Variants in CLEC16A observed in about 807,000 individuals in gnomAD.
CLEC16A encodes protein CLEC16A.
A neutral mutation model predicts 109.5 loss-of-function variants in CLEC16A; 51 were observed. The observed-to-expected ratio is 0.47, with a 90% CI of 0.37 to 0.59. The LOEUF (loss-of-function observed/expected upper bound fraction) is 0.59, where lower values mean the gene tolerates loss of function less well. Among genes scored for constraint, CLEC16A ranks in the 20% least tolerant of loss-of-function variants. The probability of loss-of-function intolerance (pLI) is 0.00; values close to 1 mark genes in which losing one functional copy is unlikely to be tolerated. For synonymous variants in CLEC16A, 673 were observed against 564.2 expected, an observed-to-expected ratio of 1.19 and a Z score of -2.73; for missense variants, 1,339 against 1,394.0, an observed-to-expected ratio of 0.96 and a Z score of 0.63.
intron 11 of CLEC16A, among the ~76,000 whole-genome samples, chr16:11,018,047 C>G (rs1213315251): frequency 1.3e-5 from 2 of 150,336 alleles, no homozygotes; most frequent in Non-Finnish European, 2.9e-5. Context: ...GTGGCTCACG[C>G]CTATAATCCC....
intron 19 of CLEC16A, among the ~76,000 whole-genome samples, chr16:11,076,021 A>T (rs1455709434): frequency 6.6e-6 from 1 of 152,148 alleles, no homozygotes; most frequent in Non-Finnish European, 1.5e-5. Flanking sequence ...TAAGCATCAC[A>T]TAGATAGAGA....
chr16:11,166,134 G>A (rs997559474), intron 22 of CLEC16A, among the ~76,000 whole-genome samples: 3 of 152,342 alleles, frequency 2.0e-5, no homozygotes, highest in East Asian at 1.9e-4. Flanking sequence ...TCGGATTTAC[G>A]ACTCATGGCC....
At chr16:10,967,431 AC>A (rs1329443736) in intron 3 of CLEC16A, among the ~76,000 whole-genome samples, 1 of 152,132 alleles carries the variant, frequency 6.6e-6, no homozygotes, top group Non-Finnish European at 1.5e-5. Context: ...GACAGGTCTC[AC>A]CCTGTCGCCT....
chr16:10,968,859 T>C (rs1387085927), intron 3 of CLEC16A, among the ~76,000 whole-genome samples: 3 of 152,104 alleles, frequency 2.0e-5, no homozygotes, highest in Non-Finnish European at 4.4e-5. Flanking sequence ...CTCCCCCTAC[T>C]CCCAGCTCTT....
chr16:11,178,717 G>C lies in CLEC16A; in HGVS notation c.*27G>C. 7.0e-7 allele frequency: 1 copy of C among 1,432,350 alleles called. No individual in the cohort carries two copies. The highest frequency in any genetic ancestry group is 9.2e-7 in the Non-Finnish European group (1 of 1,090,124). 88.7% of individuals were successfully genotyped at this position (1,432,350 alleles called of 1,614,324 possible). On this transcript the variant is annotated 3_prime_UTR_variant, in exon 24 of 24. Coordinates refer to ENST00000409790, the MANE Select transcript of CLEC16A (RefSeq NM_015226.3). This position sits in a 1 kb window ranked among gnomAD's most constrained non-coding sequence, Gnocchi z 6.5. Reference sequence around the variant, plus strand: ...TCAGTGCCGGGGCCTCCCTTTGTGTGTGTGGCCCCGCTGGTAGGGACCCCA... The same window carrying C: ...TCAGTGCCGGGGCCTCCCTTTGTGTCTGTGGCCCCGCTGGTAGGGACCCCA...
chr16:11,027,087 G>T, intron 13 of CLEC16A: 2 of 1,544,348 alleles, frequency 1.3e-6, no homozygotes, highest in African/African-American at 1.4e-5. Flanking sequence ...AAAGAGGAAG[G>T]CTTATCAGGC....
chr16:11,122,352 T>C (rs540340356), intron 20 of CLEC16A, among the ~76,000 whole-genome samples: 1 of 152,400 alleles, frequency 6.6e-6, no homozygotes, highest in Non-Finnish European at 1.5e-5. Context: ...AAGTGACTTA[T>C]GCTTATCTAT....
At chr16:10,951,615 G>A (rs950785137) in intron 1 of CLEC16A, among the ~76,000 whole-genome samples, 5 of 152,208 alleles carry the variant, frequency 3.3e-5, no homozygotes, top group African/African-American at 1.2e-4. Flanking sequence ...AGGGTCGATT[G>A]TTTCTGGGAT....
intron 19 of CLEC16A, among the ~76,000 whole-genome samples, chr16:11,084,805 C>T (rs532547275): frequency 6.6e-6 from 1 of 152,198 alleles, no homozygotes; most frequent in Non-Finnish European, 1.5e-5. Context: ...AAAGCCTGCC[C>T]TTGTTCAGCG....
intron 18 of CLEC16A, among the ~76,000 whole-genome samples, chr16:11,052,406 T>G (rs1315911161): frequency 1.3e-5 from 2 of 152,214 alleles, no homozygotes; most frequent in Non-Finnish European, 2.9e-5. Flanking sequence ...GTTTCACTTT[T>G]GGATTTTGCA....
intron 12 of CLEC16A, among the ~76,000 whole-genome samples, chr16:11,021,826 A>G (rs1200901345): frequency 6.6e-6 from 1 of 152,074 alleles, no homozygotes; most frequent in Non-Finnish European, 1.5e-5. Context: ...TTAGGTGAAT[A>G]CTGTCATGAT....
intron 14 of CLEC16A, chr16:11,040,423 G>C (rs962648059): frequency 6.5e-6 from 1 of 153,180 alleles, no homozygotes; most frequent in Non-Finnish European, 1.5e-5. Context: ...CAGGAGAGCC[G>C]ATGGAGCCGA....
chr16:10,964,203 G>T (rs892498414), intron 3 of CLEC16A, among the ~76,000 whole-genome samples: 2 of 152,252 alleles, frequency 1.3e-5, no homozygotes, highest in Non-Finnish European at 2.9e-5. Context: ...CCGCTAGGTG[G>T]TGCTGCTGCC....
intron 4 of CLEC16A, among the ~76,000 whole-genome samples, chr16:10,969,838 A>C (rs2042696827): frequency 6.6e-6 from 1 of 152,156 alleles, no homozygotes; most frequent in East Asian, 1.9e-4. Flanking sequence ...TCTGAACCTC[A>C]GTTTCCTCAT....
At position 10,977,095 on chromosome 16, in the gene CLEC16A, A is replaced by G. The variant is rs528081176; in HGVS notation, c.729-130A>G. 137 of 825,662 alleles carry G rather than the reference A, an allele frequency of 1.7e-4. No individual in the cohort carries two copies. The African/African-American group carries it at 2.1e-3, about 13-fold the overall frequency. 51.1% of individuals were successfully genotyped at this position (825,662 alleles called of 1,614,324 possible). A position where few individuals can be genotyped will look rare whatever the true frequency, so the allele number is the denominator to read the frequency against. ...GTATATCTCCCCAGTAGGGGCCAGG[A>G]TAAGTGTCTCTTGAGACTAACTCAA... On this transcript the variant is annotated intron_variant, in intron 7 of 23. Coordinates refer to ENST00000409790, the MANE Select transcript of CLEC16A (RefSeq NM_015226.3).
rs201325973 is a variant in CLEC16A, at chr16:11,020,257, G to C, written c.1368G>C (p.Gln456His). 2.0e-5 allele frequency: 32 copies of C among 1,613,816 alleles called. No homozygotes were observed. Among genetic ancestry groups the C allele is most frequent in the Middle Eastern group, 3.3e-4 (2 of 6,084 alleles). ...AGCTGGCCGCCAGCACCTCCGTGCAGGAGCAGAACACCACGGACGAGGAGA... is the reference window on the plus strand; with the variant it reads ...AGCTGGCCGCCAGCACCTCCGTGCACGAGCAGAACACCACGGACGAGGAGA... ...LSELAASTSV[Q>H]EQNTTDEEKS... Residue 456 changes from glutamine (Q) to histidine (H), a missense_variant, in exon 12 of 24, where the codon CAG becomes CAC. By Grantham distance (24) the Gln-to-His change is conservative. Transcript: ENST00000409790.
chr16:11,093,097 C>G (rs1445715346), intron 19 of CLEC16A, among the ~76,000 whole-genome samples: 1 of 152,244 alleles, frequency 6.6e-6, no homozygotes, highest in African/African-American at 2.4e-5. Context: ...CCTCCACTTC[C>G]CTGCTGGCTC....
intron 19 of CLEC16A, among the ~76,000 whole-genome samples, chr16:11,109,584 C>T (rs1597410282): frequency 6.6e-6 from 1 of 152,196 alleles, no homozygotes; most frequent in East Asian, 1.9e-4. Flanking sequence ...CACTGCAGTT[C>T]CCCCTCACTA....
At chr16:11,135,544 T>A (rs1276167173) in intron 22 of CLEC16A, among the ~76,000 whole-genome samples, 3 of 152,100 alleles carry the variant, frequency 2.0e-5, no homozygotes, top group Non-Finnish European at 4.4e-5. Context: ...AAGAACTGAG[T>A]GTTGCTTCAC....
Sources: gnomAD v4.1 joint callset for allele counts (sites outside exome capture counted in the v4.1 genomes callset) on GRCh38, gnomAD v4.1.1 for gene constraint, Gnocchi (gnomAD v3.1) non-coding constraint, MANE v1.5 for transcripts, NCBI Gene and HGNC (gene_info 2026-07-23, HGNC 2026-07-21) for gene names.